The following TET1 variants were observed in gnomAD, a reference collection of about 807,000 sequenced individuals.
TET1 encodes the protein tet methylcytosine dioxygenase 1, also known as methylcytosine dioxygenase TET1.
A neutral mutation model predicts 148.7 loss-of-function variants in TET1; 13 were observed. The observed-to-expected ratio is 0.09, with a 90% CI of 0.06 to 0.14. The LOEUF (loss-of-function observed/expected upper bound fraction) is 0.14. TET1 is among the 10% of genes least tolerant of loss of function. The probability of loss-of-function intolerance (pLI) is 1.00; values close to 1 mark genes in which losing one functional copy is unlikely to be tolerated. For synonymous variants in TET1, 907 were observed against 937.2 expected, an observed-to-expected ratio of 0.97 and a Z score of 0.59; for missense variants, 2,182 against 2,553.8, an observed-to-expected ratio of 0.85 and a Z score of 3.14.
At chr10:68,633,057 G>T (rs1010651725) in intron 3 of TET1, among the ~76,000 whole-genome samples, 3 of 151,984 alleles carry the variant, frequency 2.0e-5, no homozygotes, top group East Asian at 1.9e-4. Flanking sequence ...GGTGGTGGGC[G>T]CCTGTAATCC....
chr10:68,607,639 G>T (rs1198261689), intron 3 of TET1, among the ~76,000 whole-genome samples: 1 of 151,418 alleles, frequency 6.6e-6, no homozygotes, highest in Non-Finnish European at 1.5e-5. Context: ...TGCCAGGCTG[G>T]TCTAGAACTC....
chr10:68,664,128 G>C (rs368020694), intron 6 of TET1, among the ~76,000 whole-genome samples: 9 of 151,910 alleles, frequency 5.9e-5, no homozygotes, highest in African/African-American at 2.2e-4. Flanking sequence ...CCACGGTGCC[G>C]GCCTGGGTAG....
At chr10:68,596,274 G>A (rs997926374) in intron 2 of TET1, among the ~76,000 whole-genome samples, 7 of 151,632 alleles carry the variant, frequency 4.6e-5, no homozygotes, top group Middle Eastern at 6.8e-3. Flanking sequence ...AAAATCAAGA[G>A]GATTTGTAGA....
chr10:68,640,668 C>G (rs1350851969), intron 3 of TET1, among the ~76,000 whole-genome samples: 1 of 143,596 alleles, frequency 7.0e-6, no homozygotes, highest in South Asian at 2.2e-4. Context: ...TCTCCTGCCT[C>G]AGCCTCCCAA....
At chr10:68,675,391 A>G (rs1589129380) in intron 8 of TET1, among the ~76,000 whole-genome samples, 1 of 152,176 alleles carries the variant, frequency 6.6e-6, no homozygotes, top group South Asian at 2.1e-4. Context: ...GCAAGAACAA[A>G]CATCAAATTT....
At chr10:68,681,351 C>T in intron 8 of TET1, 48 bp from the exon 9 acceptor site, 1 of 1,212,674 alleles carries the variant, frequency 8.2e-7, no homozygotes, top group Non-Finnish European at 1.2e-6. Flanking sequence ...ACCTTAAACA[C>T]ATGAAGGTGC....
intron 7 of TET1, 44 bp downstream of exon 7, chr10:68,667,300 T>A: frequency 6.7e-7 from 1 of 1,499,932 alleles, no homozygotes; most frequent in Non-Finnish European, 9.0e-7. Flanking sequence ...CAGATCTCTA[T>A]TACATATTGG....
chr10:68,686,766 CTT>C (rs1465851057), intron 11 of TET1, 59 bp downstream of exon 11: 1 of 1,461,810 alleles, frequency 6.8e-7, no homozygotes, highest in African/African-American at 1.4e-5. Context: ...TGTGTTTGGA[CTT>C]TGCCTTGCCT....
chr10:68,606,607 A>AAAC (rs1424028511), intron 3 of TET1, among the ~76,000 whole-genome samples: 2 of 121,084 alleles, frequency 1.7e-5, no homozygotes, highest in African/African-American at 8.9e-5. Context: ...AAACAAAAAC[A>AAAC]AAAAAAAAAA....
At position 68,574,241 on chromosome 10, in the gene TET1, G is replaced by A; in HGVS notation, c.1903G>A (p.Val635Met). 6.2e-7 allele frequency: 1 copy of A among 1,611,564 alleles called. No homozygotes were observed. Among genetic ancestry groups the A allele is most frequent in the Non-Finnish European group, 8.5e-7 (1 of 1,179,554 alleles). Residue 635 changes from valine (V) to methionine (M), a missense_variant, in exon 2 of 12, where the codon GTG (valine) becomes ATG (methionine). This residue lies in a region of TET1 where 226 missense variants were observed against 307.4 expected (regional missense o/e 0.74). Coordinates refer to ENST00000373644, the MANE Select transcript of TET1 (RefSeq NM_030625.3). Reference protein sequence around the residue: ...EELKKKPSVVVPLEVIKENKR... With the variant: ...EELKKKPSVVMPLEVIKENKR... ...GCTGAAAAAGAAACCATCTGTTGTT[G>A]TGCCTCTGGAGGTAAGCAAACAGTC...
At chr10:68,685,055 G>A (rs1378236304) in intron 10 of TET1, among the ~76,000 whole-genome samples, 1 of 151,912 alleles carries the variant, frequency 6.6e-6, no homozygotes. Flanking sequence ...AGGATCTTGA[G>A]TGTAGCCTGG....
At chr10:68,664,074 G>A (rs140605667) in intron 6 of TET1, among the ~76,000 whole-genome samples, 29 of 151,946 alleles carry the variant, frequency 1.9e-4, no homozygotes, top group African/African-American at 6.3e-4. Context: ...GTCTTGGCTC[G>A]CTGCAACCTC....
intron 3 of TET1, chr10:68,632,438 A>G: frequency 1.2e-6 from 2 of 1,612,248 alleles, no homozygotes; most frequent in East Asian, 4.5e-5. Context: ...GGATTTTTAG[A>G]TGTTGAAAAT....
intron 1 of TET1, among the ~76,000 whole-genome samples, chr10:68,561,364 A>G (rs1370904499): frequency 6.6e-6 from 1 of 152,156 alleles, no homozygotes; most frequent in African/African-American, 2.4e-5. Context: ...GAGTGGAGGC[A>G]GTGGTGCAGT....
intron 3 of TET1, among the ~76,000 whole-genome samples, chr10:68,604,165 G>A (rs556467376): frequency 2.0e-5 from 3 of 152,188 alleles, no homozygotes; most frequent in Non-Finnish European, 4.4e-5. Flanking sequence ...ATTCCTCTTG[G>A]AAGAAACATT....
intron 1 of TET1, among the ~76,000 whole-genome samples, chr10:68,570,443 C>T (rs1406429036): frequency 6.6e-6 from 1 of 151,908 alleles, no homozygotes; most frequent in East Asian, 1.9e-4. Context: ...TCCATCCCTC[C>T]CTCCTTCTCT....
Position 68,692,378 on chromosome 10 carries a change from CATT to C in TET1, c.*565_*567del, listed in dbSNP as rs753951543. ...AATATTTCTCCTGTGTAAAATAAAT[CATT>C]GTTGTTAGTAATGGTTGGAGGCTGT... On this transcript the variant is annotated 3_prime_UTR_variant, in exon 12 of 12. Coordinates refer to ENST00000373644, the MANE Select transcript of TET1 (RefSeq NM_030625.3). 17 of 232,052 alleles carry C rather than the reference CATT, an allele frequency of 7.3e-5. No homozygotes were observed. The highest frequency in any genetic ancestry group is 1.8e-4 in the South Asian group (1 of 5,506). 14.4% of individuals were successfully genotyped at this position (232,052 alleles called of 1,614,324 possible). A position where few individuals can be genotyped will look rare whatever the true frequency, so the allele number is the denominator to read the frequency against.
In TET1 at chr10:68,690,879, G is replaced by T; in HGVS notation, c.5476G>T (p.Asp1826Tyr). The T allele has an allele frequency of 6.2e-7, 1 of 1,614,184 alleles. No homozygotes were observed. The highest frequency in any genetic ancestry group is 1.1e-5 in the South Asian group (1 of 91,074). ...ACCCCATTTTATCTTAAAAAGTTCA[G>T]ACAACACTAAAACTTATTCGCTGAT... is the stretch of plus-strand genomic sequence containing the variant. ...TEPHFILKSS[D>Y]NTKTYSLMPS... The change falls in exon 12 of 12, where the codon GAC becomes TAC. Residue 1826 changes from aspartate to tyrosine, a missense_variant. Around this residue, in one of 11 missense-constraint regions of TET1, gnomAD observed 380 missense variants for 387.9 expected, o/e 0.98. Coordinates refer to ENST00000373644, the MANE Select transcript of TET1 (RefSeq NM_030625.3).
intron 3 of TET1, among the ~76,000 whole-genome samples, chr10:68,629,120 T>C (rs1286612782): frequency 1.3e-5 from 2 of 152,158 alleles, no homozygotes; most frequent in South Asian, 2.1e-4. Flanking sequence ...ATCTCAGCAC[T>C]TGGGAAGCCT....
Sources: gnomAD v4.1 joint callset for allele counts (sites outside exome capture counted in the v4.1 genomes callset) on GRCh38, gnomAD v4.1.1 for gene constraint, gnomAD v4.1.1 regional missense constraint, MANE v1.5 for transcripts, NCBI Gene and HGNC (gene_info 2026-07-23, HGNC 2026-07-21) for gene names.